The following ZSCAN31 variants were observed in gnomAD, a reference collection of about 807,000 sequenced individuals.
The protein encoded by ZSCAN31 is zinc finger and SCAN domain containing 31, also known as zinc finger and SCAN domain-containing protein 31.
A neutral mutation model predicts 22.5 loss-of-function variants in ZSCAN31; 14 were observed. The observed-to-expected ratio is 0.62, with a 90% CI of 0.41 to 0.97. The LOEUF is 0.97. Ranked by LOEUF, ZSCAN31 falls within the 50% of genes least tolerant of loss-of-function variation. The probability of loss-of-function intolerance (pLI) is 0.00; values close to 1 mark genes in which losing one functional copy is unlikely to be tolerated. For missense variants in ZSCAN31, 424 were observed against 483.4 expected (o/e 0.88, Z 1.15); for synonymous variants, 168 against 169.8 (o/e 0.99, Z 0.08).
At position 28,326,326 on chromosome 6, in the gene ZSCAN31, C is replaced by G. The variant is rs370361737; in HGVS notation, c.1061G>C (p.Arg354Pro). Reference sequence around the variant, plus strand: ...CTGAATGAAGGCTTTGCCACACTCACGACACTGATAGCGCTTCTCTCCAGT... The same window carrying G: ...CTGAATGAAGGCTTTGCCACACTCAGGACACTGATAGCGCTTCTCTCCAGT... ...IHTGEKRYQCRECGKAFIQNA... is the reference protein window; with the variant it reads ...IHTGEKRYQCPECGKAFIQNA... The change falls in exon 4 of 4, where the codon CGT (arginine) becomes CCT (proline). Residue 354 changes from arginine (R) to proline (P), a missense_variant. Physicochemically the swap from Arg to Pro is moderately radical, Grantham distance 103. Transcript: ENST00000344279. 4 of 1,614,048 alleles carry G rather than the reference C, an allele frequency of 2.5e-6. No homozygotes were observed. The highest frequency in any genetic ancestry group is 2.7e-5 in the African/African-American group (2 of 74,908).
intron 2 of ZSCAN31, among the ~76,000 whole-genome samples, chr6:28,352,089 C>T (rs1765072703): frequency 6.6e-6 from 1 of 151,788 alleles, no homozygotes; most frequent in Non-Finnish European, 1.5e-5. Context: ...TAATCTATGA[C>T]AGTTCCCATT....
intron 2 of ZSCAN31, among the ~76,000 whole-genome samples, chr6:28,352,775 T>C (rs1765125186): frequency 6.6e-6 from 1 of 152,086 alleles, no homozygotes; most frequent in African/African-American, 2.4e-5. Context: ...TAGGAGGAAG[T>C]ATTTTCTGGT....
At position 28,351,666 on chromosome 6, in the gene ZSCAN31, C is replaced by T. The variant is rs1765025705; in HGVS notation, c.-371+2196G>A. On this transcript the variant is annotated intron_variant, in intron 2 of 7. Coordinates refer to the ZSCAN31 transcript ENST00000396838. The surrounding 1 kb of genome is among the most constrained non-coding windows in gnomAD (Gnocchi z 4.6). The stretch of plus-strand genomic sequence containing the variant: ...CTTTTGTCTCCCTCCTTCCCTTTTA[C>T]TTCCTCCCTCTTTCCCTCTCTCCTT... Among the ~76,000 whole-genome samples, 1 of 151,244 alleles carries T rather than the reference C, an allele frequency of 6.6e-6. No homozygotes were observed. Among genetic ancestry groups the T allele is most frequent in the African/African-American group, 2.4e-5 (1 of 41,094 alleles).
Position 28,351,949 on chromosome 6 carries a change from G to T in ZSCAN31, c.-371+1913C>A, listed in dbSNP as rs1765057458. Among the ~76,000 whole-genome samples, 2 of 150,732 alleles carry T rather than the reference G, an allele frequency of 1.3e-5. No individual in the cohort carries two copies. The highest frequency in any genetic ancestry group is 4.9e-5 in the African/African-American group (2 of 41,088). ...AATAATTCCTTGATATCATTATCTT[G>T]ATTTTCAAATAATTGTCTCAAATAT... is the stretch of plus-strand genomic sequence containing the variant. On this transcript the variant is annotated intron_variant, in intron 2 of 7. Transcript: ENST00000396838. This position sits in a 1 kb window ranked among gnomAD's most constrained non-coding sequence, Gnocchi z 4.6.
chr6:28,326,222 TA>T lies in ZSCAN31; in HGVS notation c.1164del (p.Phe388LeufsTer49). ...PYQCSQCSKL[F>X]SKRTLLKKHQ... Reference sequence around the variant, plus strand: ...TGTTTCTTAAGAAGTGTCCGCTTACTAAAGAGTTTACTGCACTGACTGCACT... The same window carrying T: ...TGTTTCTTAAGAAGTGTCCGCTTACTAAGAGTTTACTGCACTGACTGCACT... On this transcript the variant is annotated frameshift_variant, in exon 4 of 4. Coordinates refer to ENST00000344279, the MANE Select transcript of ZSCAN31 (RefSeq NM_030899.5). LOFTEE classifies it low-confidence loss of function (END_TRUNC). 6.2e-7 allele frequency: 1 copy of T among 1,613,996 alleles called. No individual in the cohort carries two copies. Among genetic ancestry groups the T allele is most frequent in the East Asian group, 2.2e-5 (1 of 44,862 alleles).
intron 1 of ZSCAN31, chr6:28,335,321 C>T (rs1181686774): frequency 6.6e-6 from 1 of 152,308 alleles, no homozygotes; most frequent in East Asian, 1.9e-4. Flanking sequence ...GATAGAAAAA[C>T]CTCGGGCCCA....
chr6:28,332,544 T>A (rs1405695678), intron 1 of ZSCAN31, among the ~76,000 whole-genome samples: 1 of 152,194 alleles, frequency 6.6e-6, no homozygotes, highest in African/African-American at 2.4e-5. Flanking sequence ...GTAACGCATA[T>A]AAAAAGCTTA....
rs1448372053 is a variant in ZSCAN31, at chr6:28,347,406, T to C, written c.-370-5614A>G. ...CCAGAATGTCACTAGACTTACACCA[T>C]CTTATTTGTATTGCAGTTAGCCCCC... On this transcript the variant is annotated intron_variant, in intron 2 of 7. Transcript: ENST00000396838. This position sits in a 1 kb window ranked among gnomAD's most constrained non-coding sequence, Gnocchi z 5.2. Among the ~76,000 whole-genome samples the C allele has an allele frequency of 2.0e-5, 3 of 152,156 alleles. No homozygotes were observed. The highest frequency in any genetic ancestry group is 4.4e-5 in the Non-Finnish European group (3 of 68,034).
intron 2 of ZSCAN31, among the ~76,000 whole-genome samples, chr6:28,346,126 T>A (rs1222554370): frequency 1.3e-5 from 2 of 152,044 alleles, no homozygotes; most frequent in East Asian, 3.9e-4. Flanking sequence ...GGAGTCCCTG[T>A]AAATGGAAAG....
At chr6:28,335,176 C>A (rs1355249032) in intron 1 of ZSCAN31, among the ~76,000 whole-genome samples, 1 of 152,096 alleles carries the variant, frequency 6.6e-6, no homozygotes. Context: ...CCCTGGAGAG[C>A]CTGCCCCCGC....
rs58955211 is a variant in ZSCAN31, at chr6:28,333,729, CA to C, written c.-96+2352del. On this transcript the variant is annotated intron_variant, in intron 1 of 3. Coordinates refer to ENST00000344279, the MANE Select transcript of ZSCAN31 (RefSeq NM_030899.5). The surrounding 1 kb of genome is among the most constrained non-coding windows in gnomAD (Gnocchi z 4.1). ...ACAGGAAAGGAGGCTGGAGTGTCTA[CA>C]GTCATGTGGGAGAAGAGTGGCAAAA... is the stretch of plus-strand genomic sequence containing the variant. Among the ~76,000 whole-genome samples, 4 of 152,208 alleles carry C rather than the reference CA, an allele frequency of 2.6e-5. No homozygotes were observed. In the East Asian group the frequency reaches 7.7e-4, roughly 29 times the overall value.
chr6:28,338,468 A>G (rs1364226289), upstream of ZSCAN31, among the ~76,000 whole-genome samples: 2 of 152,122 alleles, frequency 1.3e-5, no homozygotes, highest in Admixed American at 6.5e-5. Context: ...GATAATTACA[A>G]TTACAAAACG....
chr6:28,335,707 T>A (rs1302347530), intron 1 of ZSCAN31: 1 of 152,070 alleles, frequency 6.6e-6, no homozygotes, highest in African/African-American at 2.4e-5. Context: ...GCGCATTCCC[T>A]CTCCTTTCCA....
In ZSCAN31 at chr6:28,329,688, G is replaced by C; in HGVS notation, c.-5C>G. 1 of 1,602,642 alleles carries C rather than the reference G, an allele frequency of 6.2e-7. No homozygotes were observed. The highest frequency in any genetic ancestry group is 2.2e-5 in the East Asian group (1 of 44,716). On this transcript the variant is annotated 5_prime_UTR_variant, in exon 2 of 4. Coordinates refer to ENST00000344279, the MANE Select transcript of ZSCAN31 (RefSeq NM_030899.5). ...CTGTTCCTCTGTTGAAGCCATTCCT[G>C]GGGTTAATTTGGAAGGCTTACTCTG...
At chr6:28,336,593 CT>C (rs3215465), upstream of ZSCAN31, among the ~76,000 whole-genome samples, 9,434 of 152,172 alleles carry the variant, frequency 0.062, 414 homozygotes, top group African/African-American at 0.12. Flanking sequence ...TGTTTGGACA[CT>C]TTCCAACTGG....
At position 28,346,419 on chromosome 6, in the gene ZSCAN31, G is replaced by A. The variant is rs180842739; in HGVS notation, c.-370-4627C>T. Among the ~76,000 whole-genome samples the A allele has an allele frequency of 5.6e-4, 78 of 138,588 alleles. 1 individual carries two copies. In the Middle Eastern group the frequency reaches 0.017, roughly 29 times the overall value. The allele number at this position is 138,588 out of a possible 152,430, so 90.9% of individuals were successfully genotyped here. A position where few individuals can be genotyped will look rare whatever the true frequency, so the allele number is the denominator to read the frequency against. ...AGGCTGGAGTGCAGTGTGCAATGGC[G>A]TGATCTCAGCTCACTACAACCTCTG... On this transcript the variant is annotated intron_variant, in intron 2 of 7. Coordinates refer to the ZSCAN31 transcript ENST00000396838.
chr6:28,338,577 C>T (rs1386247144), upstream of ZSCAN31, among the ~76,000 whole-genome samples: 1 of 152,042 alleles, frequency 6.6e-6, no homozygotes, highest in Non-Finnish European at 1.5e-5. Flanking sequence ...CTTGCTTCTG[C>T]CTCCCAAAAT....
chr6:28,340,055 A>C (rs536186659), upstream of ZSCAN31, among the ~76,000 whole-genome samples: 6 of 152,340 alleles, frequency 3.9e-5, no homozygotes, highest in South Asian at 1.2e-3. Flanking sequence ...AGAATCACTT[A>C]CACTTTATAG....
chr6:28,326,146 CT>C lies in ZSCAN31; in HGVS notation c.*19del. On this transcript the variant is annotated 3_prime_UTR_variant, in exon 4 of 4. Coordinates refer to ENST00000344279, the MANE Select transcript of ZSCAN31 (RefSeq NM_030899.5). The stretch of plus-strand genomic sequence containing the variant: ...ATAAGGTTGCAATGATGACTGAAGG[CT>C]TTCCCAAACTCATCACCCTTATGGT... 6.3e-7 allele frequency: 1 copy of C among 1,577,870 alleles called. No homozygotes were observed. Among genetic ancestry groups the C allele is most frequent in the Non-Finnish European group, 8.6e-7 (1 of 1,159,996 alleles).
Sources: gnomAD v4.1 joint callset for allele counts (sites outside exome capture counted in the v4.1 genomes callset) on GRCh38, gnomAD v4.1.1 for gene constraint, Gnocchi (gnomAD v3.1) non-coding constraint, MANE v1.5 for transcripts, NCBI Gene and HGNC (gene_info 2026-07-23, HGNC 2026-07-21) for gene names.